CD81: variants seen among roughly 807,000 people sequenced by gnomAD.
CD81 encodes the protein CD81 molecule.
A neutral mutation model predicts 30.1 loss-of-function variants in CD81; 10 were observed. The ratio of observed to expected loss-of-function variants is 0.33; its 90% CI spans 0.21 to 0.56. The LOEUF (loss-of-function observed/expected upper bound fraction) is 0.56, where lower values mean the gene tolerates loss of function less well. Among genes scored for constraint, CD81 ranks in the 20% least tolerant of loss-of-function variants. The pLI, the probability that CD81 is intolerant of heterozygous loss-of-function variation, is 0.89. For missense variants in CD81, 263 were observed against 308.7 expected (o/e 0.85, Z 1.11); for synonymous variants, 147 against 126.4 (o/e 1.16, Z -1.10).
chr11:2,386,787 T>C (rs1589848947), intron 1 of CD81: 2 of 638,532 alleles, frequency 3.1e-6, no homozygotes, highest in Non-Finnish European at 5.8e-6. Context: ...CACCCCCTCC[T>C]GGCCCAGCTG....
intron 6 of CD81, 35 bp downstream of exon 6, chr11:2,396,005 C>G (rs763188461): frequency 1.2e-5 from 17 of 1,409,982 alleles, no homozygotes; most frequent in Non-Finnish European, 1.5e-5. Context: ...CCTGACCCCC[C>G]GCATGTCCCG....
intron 1 of CD81, among the ~76,000 whole-genome samples, chr11:2,379,637 G>A (rs892156635): frequency 6.6e-6 from 1 of 152,032 alleles, no homozygotes; most frequent in African/African-American, 2.4e-5. Context: ...CAGCCCCCTG[G>A]GAGTGTCGCC....
At chr11:2,386,112 G>A (rs753496774) in intron 1 of CD81, 14 of 717,284 alleles carry the variant, frequency 2.0e-5, no homozygotes, top group Middle Eastern at 2.3e-4. Context: ...GGGTGCGCTC[G>A]GCATGTGGCT....
chr11:2,396,980 A>C lies in CD81; in HGVS notation c.*114A>C, dbSNP rs1005470873. On this transcript the variant is annotated 3_prime_UTR_variant, in exon 8 of 8. Coordinates refer to ENST00000263645, the MANE Select transcript of CD81 (RefSeq NM_004356.4). ...AACGTTTCCGGTATTACTCTGCTACACGTAGCCTTTTTACTTTTGGGGTTT... is the reference window on the plus strand; with the variant it reads ...AACGTTTCCGGTATTACTCTGCTACCCGTAGCCTTTTTACTTTTGGGGTTT... 2.0e-6 allele frequency: 2 copies of C among 994,796 alleles called. No individual in the cohort carries two copies. Among genetic ancestry groups the C allele is most frequent in the Non-Finnish European group, 3.1e-6 (2 of 648,654 alleles). The allele number at this position is 994,796 out of a possible 1,614,324, so 61.6% of individuals were successfully genotyped here. A position where few individuals can be genotyped will look rare whatever the true frequency, so the allele number is the denominator to read the frequency against.
intron 6 of CD81, 116 bp from the exon 7 acceptor site, chr11:2,396,512 C>A: frequency 2.2e-6 from 2 of 919,330 alleles, no homozygotes; most frequent in Non-Finnish European, 3.5e-6. Flanking sequence ...GGGTGGGGGG[C>A]TGTTCCCAGG....
chr11:2,387,742 G>A (rs1356563671), intron 1 of CD81, among the ~76,000 whole-genome samples: 1 of 152,220 alleles, frequency 6.6e-6, no homozygotes, highest in Non-Finnish European at 1.5e-5. Flanking sequence ...AGCGCTGCCC[G>A]CAGGTGTATG....
rs1240378206 is a variant in CD81, at chr11:2,378,950, C to T, written c.66+1335C>T. ...ACTCTCAGCTGGGAGATGAGTGGGG[C>T]AGTCACATCCCACCTTCCCCAAGCC... On this transcript the variant is annotated intron_variant, in intron 1 of 7. Transcript: ENST00000263645. This position sits in a 1 kb window ranked among gnomAD's most constrained non-coding sequence, Gnocchi z 4.9. Among the ~76,000 whole-genome samples the T allele has an allele frequency of 6.6e-6, 1 of 152,214 alleles. No homozygotes were observed. Among genetic ancestry groups the T allele is most frequent in the Non-Finnish European group, 1.5e-5 (1 of 68,038 alleles).
rs1589844834 is a variant in CD81 at position 2,379,811 on chromosome 11, G to A, written c.66+2196G>A. Among the ~76,000 whole-genome samples the A allele has an allele frequency of 2.0e-5, 3 of 152,248 alleles. No homozygotes were observed. In the East Asian group the frequency reaches 5.8e-4, roughly 29 times the overall value. On this transcript the variant is annotated intron_variant, in intron 1 of 7. Transcript: ENST00000263645. The stretch of plus-strand genomic sequence containing the variant: ...AGAACTGAGTCCGTCCACAGTCACT[G>A]TGGACCCACCCATCCACTGGGGCTC...
intron 1 of CD81, among the ~76,000 whole-genome samples, chr11:2,387,074 C>T (rs542212425): frequency 3.3e-5 from 5 of 152,354 alleles, no homozygotes; most frequent in African/African-American, 4.8e-5. Flanking sequence ...TCTGTTAGGA[C>T]GGTATGCCCA....
intron 1 of CD81, chr11:2,385,818 T>G: frequency 1.7e-5 from 11 of 629,934 alleles, no homozygotes; most frequent in Non-Finnish European, 2.1e-5. Context: ...TCAGTGGGCA[T>G]ATGGGTTGTT....
Position 2,391,035 on chromosome 11 carries a change from G to T in CD81, c.181+509G>T, listed in dbSNP as rs913357193. ...GCACCTTGCTGCCTTATTAGGCTGC[G>T]TGTGGGGGACTGGGCTGCCCTCCCT... is the stretch of plus-strand genomic sequence containing the variant. On this transcript the variant is annotated intron_variant, in intron 2 of 7. Coordinates refer to ENST00000263645, the MANE Select transcript of CD81 (RefSeq NM_004356.4). 3.6e-5 allele frequency: 9 copies of T among 248,466 alleles called. No individual in the cohort carries two copies. The East Asian group carries it at 8.0e-4, about 22-fold the overall frequency. 15.4% of individuals were successfully genotyped at this position (248,466 alleles called of 1,614,324 possible).
In CD81 at chr11:2,378,852, G is replaced by A. The variant is rs1346000589; in HGVS notation, c.66+1237G>A. Among the ~76,000 whole-genome samples the A allele has an allele frequency of 6.6e-6, 1 of 152,264 alleles. No individual in the cohort carries two copies. The highest frequency in any genetic ancestry group is 1.5e-5 in the Non-Finnish European group (1 of 68,044). The stretch of plus-strand genomic sequence containing the variant: ...CCAGTGTGTGGGACCAGAGACATCT[G>A]TTTCCCATCTGGACGGCTGAGGATC... On this transcript the variant is annotated intron_variant, in intron 1 of 7. Transcript: ENST00000263645. This position sits in a 1 kb window ranked among gnomAD's most constrained non-coding sequence, Gnocchi z 4.9.
chr11:2,379,529 G>A (rs1019123068), intron 1 of CD81, among the ~76,000 whole-genome samples: 4 of 151,430 alleles, frequency 2.6e-5, no homozygotes, highest in East Asian at 1.9e-4. Context: ...GGGGAGTCAC[G>A]GGAGGGGACT....
intron 1 of CD81, chr11:2,386,025 C>G (rs1258218851): frequency 4.2e-6 from 3 of 716,708 alleles, no homozygotes; most frequent in Non-Finnish European, 7.8e-6. Flanking sequence ...GTTTTACAGC[C>G]CCCGTTGTAT....
intron 1 of CD81, chr11:2,390,056 T>C (rs946623127): frequency 7.6e-6 from 3 of 395,030 alleles, no homozygotes; most frequent in Non-Finnish European, 1.4e-5. Flanking sequence ...AGATTATTTT[T>C]TTGTATGTCC....
chr11:2,387,182 T>A (rs1449181427), intron 1 of CD81, among the ~76,000 whole-genome samples: 1 of 152,064 alleles, frequency 6.6e-6, no homozygotes, highest in African/African-American at 2.4e-5. Flanking sequence ...CAGAGCAGCT[T>A]CCGAGCCAGG....
intron 1 of CD81, chr11:2,386,483 G>C: frequency 1.4e-6 from 1 of 708,378 alleles, no homozygotes; most frequent in Non-Finnish European, 2.6e-6. Context: ...GGTGGCCCTA[G>C]GGGGGTCCCT....
chr11:2,378,076 C>G lies in CD81; in HGVS notation c.66+461C>G, dbSNP rs893796268. On this transcript the variant is annotated intron_variant, in intron 1 of 7. Coordinates refer to ENST00000263645, the MANE Select transcript of CD81 (RefSeq NM_004356.4). The surrounding 1 kb of genome is among the most constrained non-coding windows in gnomAD (Gnocchi z 4.9). The stretch of plus-strand genomic sequence containing the variant: ...CCCCCATGAGCTCATCAAGAGCCGC[C>G]GCCCCTGGATGGTGGGGCGGGGGCG... 1 of 152,124 alleles carries G rather than the reference C, an allele frequency of 6.6e-6. No individual in the cohort carries two copies. Among genetic ancestry groups the G allele is most frequent in the Non-Finnish European group, 1.5e-5 (1 of 68,010 alleles). 9.4% of individuals were successfully genotyped at this position (152,124 alleles called of 1,614,324 possible).
Position 2,396,721 on chromosome 11 carries a change from G to C in CD81, c.648+7G>C. ...CGTGGTCGCTGTGATCATGGTGAGC[G>C]GGCGGGGGCGGAGGGCCTGCTCTCT... On this transcript the variant is annotated splice_region_variant and intron_variant, in intron 7 of 7. Coordinates refer to ENST00000263645, the MANE Select transcript of CD81 (RefSeq NM_004356.4). 2 of 1,611,548 alleles carry C rather than the reference G, an allele frequency of 1.2e-6. No individual in the cohort carries two copies. The highest frequency in any genetic ancestry group is 1.7e-6 in the Non-Finnish European group (2 of 1,179,950).
Sources: allele counts gnomAD v4.1 joint callset (sites outside exome capture counted in the v4.1 genomes callset), GRCh38; gene constraint gnomAD v4.1.1; non-coding constraint Gnocchi (gnomAD v3.1); transcripts MANE v1.5; gene names NCBI Gene and HGNC (gene_info 2026-07-23, HGNC 2026-07-21).